LRFN5: variants seen among roughly 807,000 people sequenced by gnomAD.
LRFN5 encodes the protein leucine rich repeat and fibronectin type III domain containing 5.
Under a neutral mutation model 45.6 loss-of-function variants are expected in LRFN5, and 24 were observed. The observed-to-expected ratio is 0.53, with a 90% CI of 0.38 to 0.74. The LOEUF (loss-of-function observed/expected upper bound fraction) is 0.74, where lower values mean the gene tolerates loss of function less well. Among genes scored for constraint, LRFN5 ranks in the 30% least tolerant of loss-of-function variants. The pLI is 0.00. For synonymous variants in LRFN5, 340 were observed against 313.8 expected (o/e 1.08, Z -0.88); for missense variants, 776 against 861.5 (o/e 0.90, Z 1.24).
intron 1 of LRFN5, among the ~76,000 whole-genome samples, chr14:41,644,456 A>G (rs538943218): frequency 1.3e-4 from 20 of 152,286 alleles, no homozygotes; most frequent in Non-Finnish European, 2.5e-4. Flanking sequence ...TAAAGTTTTG[A>G]TAGTGTAATA....
intron 2 of LRFN5, among the ~76,000 whole-genome samples, chr14:41,775,951 G>A (rs962546646): frequency 3.9e-5 from 6 of 152,152 alleles, no homozygotes; most frequent in East Asian, 1.9e-4. Flanking sequence ...CTATACTGAC[G>A]ATGAGAGTGG....
At chr14:41,700,425 G>A (rs776255887) in intron 1 of LRFN5, 10 of 152,064 alleles carry the variant, frequency 6.6e-5, no homozygotes, top group Non-Finnish European at 1.3e-4. Flanking sequence ...AAGTTACAAG[G>A]CATGGTTATA....
At chr14:41,740,116 A>T (rs1012882792) in intron 1 of LRFN5, among the ~76,000 whole-genome samples, 4 of 152,112 alleles carry the variant, frequency 2.6e-5, no homozygotes, top group Non-Finnish European at 2.9e-5. Flanking sequence ...TCTACCAAAC[A>T]TTTAAATAAC....
chr14:41,798,045 T>A (rs1209125071), intron 2 of LRFN5, among the ~76,000 whole-genome samples: 1 of 151,948 alleles, frequency 6.6e-6, no homozygotes, highest in Non-Finnish European at 1.5e-5. Flanking sequence ...CTTGGAACTA[T>A]CTCTATCCCC....
At chr14:41,729,725 T>A (rs958259472) in intron 1 of LRFN5, among the ~76,000 whole-genome samples, 8 of 152,076 alleles carry the variant, frequency 5.3e-5, no homozygotes, top group Admixed American at 2.0e-4. Context: ...GGCATGATTT[T>A]AAAAAAATGA....
intron 2 of LRFN5, among the ~76,000 whole-genome samples, chr14:41,792,816 G>A (rs568415460): frequency 6.6e-6 from 1 of 151,994 alleles, no homozygotes; most frequent in East Asian, 1.9e-4. Context: ...TGGTCCTGAG[G>A]TGACCTATAT....
At chr14:41,637,724 T>C (rs1879373832) in intron 1 of LRFN5, among the ~76,000 whole-genome samples, 1 of 152,170 alleles carries the variant, frequency 6.6e-6, no homozygotes, top group African/African-American at 2.4e-5. Flanking sequence ...GCAGCTTGTA[T>C]CTAAGGATAA....
intron 1 of LRFN5, among the ~76,000 whole-genome samples, chr14:41,702,058 G>A (rs1443008030): frequency 6.6e-6 from 1 of 152,148 alleles, no homozygotes; most frequent in Admixed American, 6.6e-5. Context: ...CCAGGACTAA[G>A]CATAGGACTT....
intron 1 of LRFN5, among the ~76,000 whole-genome samples, chr14:41,697,562 T>C (rs1433304370): frequency 2.0e-5 from 3 of 151,792 alleles, no homozygotes; most frequent in African/African-American, 7.2e-5. Context: ...TTTAATATCT[T>C]TCATGTGGAT....
intron 1 of LRFN5, among the ~76,000 whole-genome samples, chr14:41,666,568 A>G (rs1246064089): frequency 1.3e-5 from 2 of 152,162 alleles, no homozygotes; most frequent in Admixed American, 6.5e-5. Flanking sequence ...AGTAGGAAGC[A>G]TGCACATTTA....
At chr14:41,804,009 G>A (rs577398674) in intron 2 of LRFN5, among the ~76,000 whole-genome samples, 3 of 152,076 alleles carry the variant, frequency 2.0e-5, no homozygotes, top group African/African-American at 4.8e-5. Flanking sequence ...GATTACAGGT[G>A]CATGCCACCA....
intron 2 of LRFN5, among the ~76,000 whole-genome samples, chr14:41,814,415 T>C (rs1887846556): frequency 6.6e-6 from 1 of 152,154 alleles, no homozygotes; most frequent in Non-Finnish European, 1.5e-5. Flanking sequence ...TAAGGTTTAA[T>C]TAGGAAGGCA....
chr14:41,642,087 G>A (rs1179228621), intron 1 of LRFN5, among the ~76,000 whole-genome samples: 4 of 152,130 alleles, frequency 2.6e-5, no homozygotes, highest in African/African-American at 9.7e-5. Context: ...ACACATGTAA[G>A]ACCTTGTCTT....
At chr14:41,688,185 G>C (rs1263813550) in intron 1 of LRFN5, among the ~76,000 whole-genome samples, 1 of 152,042 alleles carries the variant, frequency 6.6e-6, no homozygotes, top group African/African-American at 2.4e-5. Context: ...TTGGTGGGTG[G>C]GTATGCGGGG....
chr14:41,857,118 T>C (rs1326827722), intron 2 of LRFN5, among the ~76,000 whole-genome samples: 2 of 152,322 alleles, frequency 1.3e-5, no homozygotes, highest in East Asian at 3.9e-4. Context: ...ACACTTGCTA[T>C]GTATAAAGTC....
At chr14:41,860,176 C>CA (rs1399419615) in intron 2 of LRFN5, among the ~76,000 whole-genome samples, 1 of 152,028 alleles carries the variant, frequency 6.6e-6, no homozygotes, top group Admixed American at 6.6e-5. Context: ...ATAAAACAAA[C>CA]AAAAACACCC....
intron 2 of LRFN5, among the ~76,000 whole-genome samples, chr14:41,776,160 T>G (rs1886287873): frequency 6.6e-6 from 1 of 152,224 alleles, no homozygotes; most frequent in Non-Finnish European, 1.5e-5. Flanking sequence ...GTTTAAATTT[T>G]TAGTGTATTT....
At chr14:41,892,065 C>T in intron 4 of LRFN5, 103 bp downstream of exon 4, 2 of 1,489,286 alleles carry the variant, frequency 1.3e-6, no homozygotes, top group Non-Finnish European at 1.8e-6. Flanking sequence ...TCGCCGAACA[C>T]ATGTGGACTG....
At chr14:41,849,227 C>T (rs1204555128) in intron 2 of LRFN5, among the ~76,000 whole-genome samples, 3 of 151,920 alleles carry the variant, frequency 2.0e-5, no homozygotes, top group African/African-American at 7.2e-5. Context: ...TAATCCAATG[C>T]TATTATTCCC....
Sources: allele counts gnomAD v4.1 joint callset (sites outside exome capture counted in the v4.1 genomes callset), GRCh38; gene constraint gnomAD v4.1.1; transcripts MANE v1.5; gene names NCBI Gene and HGNC (gene_info 2026-07-23, HGNC 2026-07-21).